The following PDE1C variants were observed in gnomAD, a reference collection of about 807,000 sequenced individuals.
PDE1C encodes the protein phosphodiesterase 1C.
In PDE1C, 62 loss-of-function variants were observed where a neutral mutation model predicts 93.1. That is an observed-to-expected ratio of 0.67 (90% CI 0.54 to 0.82). PDE1C has a LOEUF of 0.82. PDE1C is among the 40% of genes least tolerant of loss of function. The pLI is 0.00. For missense variants in PDE1C, 742 were observed against 884.6 expected (o/e 0.84, Z 2.04); for synonymous variants, 325 against 310.1 (o/e 1.05, Z -0.50).
At chr7:31,875,393 C>T (rs931964226) in intron 5 of PDE1C, among the ~76,000 whole-genome samples, 3 of 152,100 alleles carry the variant, frequency 2.0e-5, no homozygotes, top group African/African-American at 4.8e-5. Flanking sequence ...TTAGGGAAGG[C>T]TTAGCTGTAA....
chr7:31,678,361 T>G, the PDE1C span, among the ~76,000 whole-genome samples: 2 of 152,186 alleles, frequency 1.3e-5, no homozygotes, highest in Non-Finnish European at 2.9e-5. Context: ...CAATGTACTG[T>G]TAGTGCTTGA....
intron 1 of PDE1C, among the ~76,000 whole-genome samples, chr7:32,270,899 G>A (rs111368178): frequency 0.023 from 3,480 of 152,198 alleles, 56 homozygotes; most frequent in Non-Finnish European, 0.034. Context: ...GGGAGGCCGA[G>A]GCAGGCAGAT....
rs187571597 is a variant in PDE1C at position 32,096,972 on chromosome 7, G to A, written c.308+72813C>T. On this transcript the variant is annotated intron_variant, in intron 3 of 18. Transcript: ENST00000396193. ...TGCAATGGGCAAACAGGTGACCCTG[G>A]AGAACCAATGGTGATGGTCCAGGCC... 2.6e-5 allele frequency among the ~76,000 whole-genome samples: 4 copies of A among 152,330 alleles called. No homozygotes were observed. The East Asian group carries it at 7.7e-4, about 29-fold the overall frequency.
At chr7:32,177,939 T>C (rs1469393159) in intron 2 of PDE1C, among the ~76,000 whole-genome samples, 1 of 152,154 alleles carries the variant, frequency 6.6e-6, no homozygotes, top group Non-Finnish European at 1.5e-5. Context: ...TGCTCAGAAT[T>C]ATCCCCCTGA....
chr7:32,382,801 A>G (rs949904559), intron 1 of PDE1C, among the ~76,000 whole-genome samples: 3 of 152,228 alleles, frequency 2.0e-5, no homozygotes, highest in African/African-American at 7.2e-5. Context: ...CAAAGGTCAG[A>G]GTGGAAATGG....
chr7:32,129,977 T>G (rs1799826238), intron 3 of PDE1C, among the ~76,000 whole-genome samples: 2 of 152,136 alleles, frequency 1.3e-5, no homozygotes, highest in South Asian at 4.1e-4. Context: ...TTCCAAGTTT[T>G]TCTTCCCTGT....
At chr7:31,759,023 T>C (rs1437734239) in intron 17 of PDE1C, among the ~76,000 whole-genome samples, 2 of 151,882 alleles carry the variant, frequency 1.3e-5, no homozygotes, top group African/African-American at 4.8e-5. Flanking sequence ...AACCTCTCCT[T>C]GCCACTGGAG....
chr7:31,956,234 C>T (rs1379447968), intron 2 of PDE1C, among the ~76,000 whole-genome samples: 1 of 152,104 alleles, frequency 6.6e-6, no homozygotes, highest in African/African-American at 2.4e-5. Context: ...GCTGGGACTA[C>T]AGGCGTGCAC....
At chr7:31,647,047 C>T in the PDE1C span, among the ~76,000 whole-genome samples, 2 of 152,208 alleles carry the variant, frequency 1.3e-5, no homozygotes, top group Non-Finnish European at 2.9e-5. Flanking sequence ...TATACGTGTG[C>T]ATATTTATAC....
intron 1 of PDE1C, among the ~76,000 whole-genome samples, chr7:32,386,087 TTC>T (rs1357616404): frequency 1.8e-5 from 1 of 54,650 alleles, no homozygotes; most frequent in African/African-American, 6.5e-5. Context: ...ACCTTTTTCT[TTC>T]TTTTTTTTTT....
At chr7:32,191,114 A>T (rs1296677033) in intron 2 of PDE1C, among the ~76,000 whole-genome samples, 1 of 152,222 alleles carries the variant, frequency 6.6e-6, no homozygotes, top group Non-Finnish European at 1.5e-5. Context: ...TTTATTCTGC[A>T]GGCCGTGAGA....
chr7:32,066,711 CTGAA>C (rs1240886449), intron 1 of PDE1C, among the ~76,000 whole-genome samples: 1 of 152,100 alleles, frequency 6.6e-6, no homozygotes, highest in East Asian at 1.9e-4. Flanking sequence ...GTTTCCCTGA[CTGAA>C]AGATTCTGTA....
At chr7:32,174,387 G>A (rs1438770367) in intron 2 of PDE1C, among the ~76,000 whole-genome samples, 2 of 152,160 alleles carry the variant, frequency 1.3e-5, no homozygotes, top group Non-Finnish European at 2.9e-5. Flanking sequence ...CACCATAACT[G>A]AGGGGCAAAT....
the PDE1C span, among the ~76,000 whole-genome samples, chr7:31,695,052 G>A: frequency 1.3e-5 from 2 of 152,156 alleles, no homozygotes; most frequent in Non-Finnish European, 2.9e-5. Flanking sequence ...TTCTAAGATC[G>A]AGGGAGATTT....
At chr7:32,282,014 G>GT (rs1412818966) in intron 1 of PDE1C, among the ~76,000 whole-genome samples, 1 of 152,122 alleles carries the variant, frequency 6.6e-6, no homozygotes, top group Non-Finnish European at 1.5e-5. Flanking sequence ...CTGTCATGGG[G>GT]TAGGGGACGG....
At chr7:32,419,357 G>C (rs539513355) in intron 1 of PDE1C, among the ~76,000 whole-genome samples, 62 of 152,252 alleles carry the variant, frequency 4.1e-4, no homozygotes, top group African/African-American at 1.4e-3. Flanking sequence ...AGTAGGTATA[G>C]AGAACAACAG....
At chr7:32,362,928 A>C (rs2128085763) in intron 1 of PDE1C, among the ~76,000 whole-genome samples, 1 of 152,354 alleles carries the variant, frequency 6.6e-6, no homozygotes, top group South Asian at 2.1e-4. Context: ...ATGGTGGATC[A>C]TCCTATCCAT....
At chr7:31,925,899 G>A (rs1177700206) in intron 2 of PDE1C, among the ~76,000 whole-genome samples, 4 of 152,050 alleles carry the variant, frequency 2.6e-5, no homozygotes, top group Non-Finnish European at 5.9e-5. Context: ...GTGTCTGTCA[G>A]CATAGTCCAC....
At chr7:31,617,623 C>CTAAATGATTTAATGCTCCATCTT in the PDE1C span, among the ~76,000 whole-genome samples, 2 of 141,154 alleles carry the variant, frequency 1.4e-5, no homozygotes, top group East Asian at 4.3e-4. Flanking sequence ...CTTTTACCTT[C>CTAAATGATTTAATGCTCCATCTT]TAAATGATTT....
Sources: gnomAD v4.1 joint callset for allele counts (sites outside exome capture counted in the v4.1 genomes callset) on GRCh38, gnomAD v4.1.1 for gene constraint, MANE v1.5 for transcripts, NCBI Gene and HGNC (gene_info 2026-07-23, HGNC 2026-07-21) for gene names.